The following FNTB variants were observed in gnomAD, a reference collection of about 807,000 sequenced individuals.
The protein encoded by FNTB is protein farnesyltransferase subunit beta.
In FNTB, 27 loss-of-function variants were observed where a neutral mutation model predicts 59.4. That is an observed-to-expected ratio of 0.45 (90% CI 0.34 to 0.63). FNTB has a LOEUF of 0.63. Among genes scored for constraint, FNTB ranks in the 20% least tolerant of loss-of-function variants. The pLI, the probability that FNTB is intolerant of heterozygous loss-of-function variation, is 0.02. For synonymous variants in FNTB, 230 were observed against 220.7 expected (o/e 1.04, Z -0.37); for missense variants, 449 against 559.6 (o/e 0.80, Z 1.99).
At position 65,032,649 on chromosome 14, in the gene FNTB, C is replaced by T. The variant is rs753387342; in HGVS notation, c.645C>T (p.Asn215=). The T allele has an allele frequency of 6.2e-6, 10 of 1,614,036 alleles. No individual in the cohort carries two copies. In the South Asian group the frequency reaches 1.1e-4, roughly 18 times the overall value. Residue 215 remains asparagine (N), a synonymous_variant, in exon 7 of 12, where the codon AAC becomes AAT. Transcript: ENST00000246166. The surrounding 1 kb of genome is among the most constrained non-coding windows in gnomAD (Gnocchi z 5.0). ...CTGCCTCCGTAGCCTCGCTGACCAA[C>T]ATCATCACTCCAGACCTCTTTGAGG... ...YCAASVASLT[N]IITPDLFEGT... is the part of the protein sequence containing the mutation.
In FNTB at chr14:65,014,515, C is replaced by T. The variant is rs1388669810; in HGVS notation, c.283-1110C>T. 6.6e-6 allele frequency among the ~76,000 whole-genome samples: 1 copy of T among 152,192 alleles called. No homozygotes were observed. Among genetic ancestry groups the T allele is most frequent in the Non-Finnish European group, 1.5e-5 (1 of 68,042 alleles). ...CACACACATTCTATATCCCAAGCAT[C>T]TCAAGAACAGAAACCAGTTCAGGCA... On this transcript the variant is annotated intron_variant, in intron 3 of 11. Transcript: ENST00000246166. This position sits in a 1 kb window ranked among gnomAD's most constrained non-coding sequence, Gnocchi z 5.1.
In FNTB at chr14:65,007,565, A is replaced by T. The variant is rs1429880229; in HGVS notation, c.209+3252A>T. ...TGAATGTCAGTACATTCTATACTTA[A>T]TCCCCTTCCCAGAAATGATTTTCTT... On this transcript the variant is annotated intron_variant, in intron 2 of 11. Transcript: ENST00000246166. The surrounding 1 kb of genome is among the most constrained non-coding windows in gnomAD (Gnocchi z 4.9). 1.3e-5 allele frequency among the ~76,000 whole-genome samples: 2 copies of T among 152,190 alleles called. No homozygotes were observed. The highest frequency in any genetic ancestry group is 6.5e-5 in the Admixed American group (1 of 15,280).
In FNTB at chr14:65,030,327, C is replaced by T. The variant is rs1037366053; in HGVS notation, c.606-2283C>T. Among the ~76,000 whole-genome samples the T allele has an allele frequency of 1.3e-5, 2 of 152,208 alleles. No individual in the cohort carries two copies. Among genetic ancestry groups the T allele is most frequent in the African/African-American group, 4.8e-5 (2 of 41,444 alleles). On this transcript the variant is annotated intron_variant, in intron 6 of 11. Transcript: ENST00000246166. This position sits in a 1 kb window ranked among gnomAD's most constrained non-coding sequence, Gnocchi z 4.5. The stretch of plus-strand genomic sequence containing the variant: ...AATGCCTGCTGGTGGAACTAAACTT[C>T]CACTGTGCCTTTGGCTGCTAAAAAT...
At position 65,032,996 on chromosome 14, in the gene FNTB, C is replaced by T. The variant is rs2062115274; in HGVS notation, c.692+300C>T. 2.0e-5 allele frequency among the ~76,000 whole-genome samples: 3 copies of T among 152,162 alleles called. No homozygotes were observed. The South Asian group carries it at 6.2e-4, about 32-fold the overall frequency. On this transcript the variant is annotated intron_variant, in intron 7 of 11. Transcript: ENST00000246166. This position sits in a 1 kb window ranked among gnomAD's most constrained non-coding sequence, Gnocchi z 5.0. Reference sequence around the variant, plus strand: ...AATTTGACAGTATGTCAAAGGTGCCCTTGCGTAGGACCCAGTAATTCCACT... The same window carrying T: ...AATTTGACAGTATGTCAAAGGTGCCTTTGCGTAGGACCCAGTAATTCCACT...
intron 9 of FNTB, among the ~76,000 whole-genome samples, chr14:65,046,569 C>G (rs1328983821): frequency 2.6e-5 from 4 of 152,156 alleles, no homozygotes; most frequent in Non-Finnish European, 5.9e-5. Flanking sequence ...AATCTTGGTG[C>G]TTCCAGCTTT....
At chr14:65,038,474 C>T (rs1224648500) in intron 7 of FNTB, among the ~76,000 whole-genome samples, 4 of 152,010 alleles carry the variant, frequency 2.6e-5, no homozygotes, top group Non-Finnish European at 4.4e-5. Context: ...AATCCCAGCA[C>T]TTTGGGAGGC....
At chr14:65,043,606 A>T (rs2062400813) in intron 8 of FNTB, among the ~76,000 whole-genome samples, 1 of 151,888 alleles carries the variant, frequency 6.6e-6, no homozygotes, top group South Asian at 2.1e-4. Flanking sequence ...GTGGATCATG[A>T]GGTCAGGAGA....
At chr14:64,993,084 C>T (rs1888265408) in intron 1 of FNTB, among the ~76,000 whole-genome samples, 1 of 152,142 alleles carries the variant, frequency 6.6e-6, no homozygotes, top group African/African-American at 2.4e-5. Flanking sequence ...CCACCTTGGA[C>T]TCCCAAAGTA....
At chr14:65,024,053 G>C (rs941846524) in intron 4 of FNTB, among the ~76,000 whole-genome samples, 4 of 150,830 alleles carry the variant, frequency 2.7e-5, no homozygotes, top group African/African-American at 9.8e-5. Flanking sequence ...AGTGAGCTGA[G>C]ATCGCTCAAC....
At position 65,027,356 on chromosome 14, in the gene FNTB, T is replaced by C; in HGVS notation, c.375-97T>C. On this transcript the variant is annotated intron_variant, in intron 4 of 11. Coordinates refer to ENST00000246166, the MANE Select transcript of FNTB (RefSeq NM_002028.4). The surrounding 1 kb of genome is among the most constrained non-coding windows in gnomAD (Gnocchi z 5.7). ...AGGTTCCCCTCAACTTTTGAGGGAG[T>C]GGGGGATCATTGGAAAGGCCTGGAA... The C allele has an allele frequency of 6.4e-7, 1 of 1,551,446 alleles. No individual in the cohort carries two copies. Among genetic ancestry groups the C allele is most frequent in the Non-Finnish European group, 8.7e-7 (1 of 1,147,888 alleles).
At chr14:65,045,111 A>G (rs1161288312) in intron 9 of FNTB, among the ~76,000 whole-genome samples, 1 of 152,154 alleles carries the variant, frequency 6.6e-6, no homozygotes, top group Non-Finnish European at 1.5e-5. Context: ...TTAGTGAGCA[A>G]AAAGTCTGGG....
chr14:64,987,207 A>G (rs1471869403), intron 1 of FNTB, 110 bp downstream of exon 1: 33 of 1,312,814 alleles, frequency 2.5e-5, no homozygotes, highest in African/African-American at 4.3e-5. Flanking sequence ...CGACTCCCAC[A>G]GCGCACCGCG....
intron 2 of FNTB, among the ~76,000 whole-genome samples, chr14:65,005,602 T>C (rs536956245): frequency 6.6e-6 from 1 of 151,452 alleles, no homozygotes; most frequent in Non-Finnish European, 1.5e-5. Flanking sequence ...CTTTCTTTCC[T>C]TTCTGTCTGT....
At position 65,023,860 on chromosome 14, in the gene FNTB, G is replaced by A. The variant is rs112808916; in HGVS notation, c.375-3593G>A. On this transcript the variant is annotated intron_variant, in intron 4 of 11. Coordinates refer to ENST00000246166, the MANE Select transcript of FNTB (RefSeq NM_002028.4). The surrounding 1 kb of genome is among the most constrained non-coding windows in gnomAD (Gnocchi z 4.1). Reference sequence around the variant, plus strand: ...TCACGCCTGTAATCCTAGCACTTTGGGAGGCCAAGGCGGGCGGATTGTCTG... The same window carrying A: ...TCACGCCTGTAATCCTAGCACTTTGAGAGGCCAAGGCGGGCGGATTGTCTG... 0.01 allele frequency among the ~76,000 whole-genome samples: 1,579 copies of A among 152,150 alleles called. 25 individuals carry two copies. Among genetic ancestry groups the A allele is most frequent in the East Asian group, 0.082 (421 of 5,164 alleles).
chr14:65,017,084 G>A (rs562104614), intron 4 of FNTB, among the ~76,000 whole-genome samples: 53 of 152,002 alleles, frequency 3.5e-4, no homozygotes, highest in African/African-American at 1.3e-3. Context: ...CACCGTGCCT[G>A]GCTAATTTTT....
intron 1 of FNTB, among the ~76,000 whole-genome samples, chr14:64,988,775 A>G (rs1218667906): frequency 6.6e-6 from 1 of 152,140 alleles, no homozygotes; most frequent in African/African-American, 2.4e-5. Flanking sequence ...GCAGACAGTA[A>G]AGAATCTTAT....
At position 65,055,598 on chromosome 14, in the gene FNTB, C is replaced by T. The variant is rs145600046; in HGVS notation, c.1182+909C>T. Among the ~76,000 whole-genome samples the T allele has an allele frequency of 4.2e-4, 64 of 151,970 alleles. 1 individual carries two copies. Among genetic ancestry groups the T allele is most frequent in the Non-Finnish European group, 7.2e-4 (49 of 67,992 alleles). The stretch of plus-strand genomic sequence containing the variant: ...GTGGCATGATATTGGCTCACTGCAA[C>T]CTCCACCTCCCAGGTTCAAGCAATT... On this transcript the variant is annotated intron_variant, in intron 11 of 11. Coordinates refer to ENST00000246166, the MANE Select transcript of FNTB (RefSeq NM_002028.4).
intron 4 of FNTB, among the ~76,000 whole-genome samples, chr14:65,018,837 G>A (rs549525437): frequency 1.5e-4 from 22 of 145,038 alleles, no homozygotes; most frequent in Admixed American, 6.2e-4. Context: ...AAGGCCAGGC[G>A]CGGTGGCTCA....
At chr14:65,048,338 AC>A (rs1245608056) in intron 9 of FNTB, among the ~76,000 whole-genome samples, 1 of 151,662 alleles carries the variant, frequency 6.6e-6, no homozygotes, top group Non-Finnish European at 1.5e-5. Flanking sequence ...AAAAAAAAAA[AC>A]CATGTGCATT....
Sources: gnomAD v4.1 joint callset for allele counts (sites outside exome capture counted in the v4.1 genomes callset) on GRCh38, gnomAD v4.1.1 for gene constraint, Gnocchi (gnomAD v3.1) non-coding constraint, MANE v1.5 for transcripts, NCBI Gene and HGNC (gene_info 2026-07-23, HGNC 2026-07-21) for gene names.